GGT7: variants seen among roughly 807,000 people sequenced by gnomAD.
GGT7 encodes gamma-glutamyltransferase 7, also known as glutathione hydrolase 7.
In GGT7, 30 loss-of-function variants were observed where a neutral mutation model predicts 69.2. The ratio of observed to expected loss-of-function variants is 0.43; its 90% CI spans 0.32 to 0.59. The LOEUF is 0.59. Ranked by LOEUF, GGT7 falls within the 20% of genes least tolerant of loss-of-function variation. GGT7 has a pLI of 0.05. For synonymous variants in GGT7, 388 were observed against 391.8 expected (o/e 0.99, Z 0.12); for missense variants, 733 against 901.1 (o/e 0.81, Z 2.39).
intron 7 of GGT7, among the ~76,000 whole-genome samples, chr20:34,857,996 T>A (rs150067374): frequency 7.2e-5 from 11 of 152,308 alleles, no homozygotes; most frequent in Non-Finnish European, 1.6e-4. Flanking sequence ...GATCTGATGG[T>A]CTTTGTTACA....
At chr20:34,862,210 G>T (rs190394581) in intron 3 of GGT7, among the ~76,000 whole-genome samples, 1 of 152,290 alleles carries the variant, frequency 6.6e-6, no homozygotes, top group Non-Finnish European at 1.5e-5. Flanking sequence ...TCTATTCCAC[G>T]CCAGGTAACT....
intron 14 of GGT7, among the ~76,000 whole-genome samples, chr20:34,847,014 A>T (rs2079314450): frequency 6.6e-6 from 1 of 152,040 alleles, no homozygotes. Flanking sequence ...CTCCACCATT[A>T]CCTAAAACAG....
chr20:34,844,837 G>A lies in GGT7; in HGVS notation c.*491C>T, dbSNP rs1274621588. 6.8e-6 allele frequency: 1 copy of A among 146,154 alleles called. No homozygotes were observed. The highest frequency in any genetic ancestry group is 2.6e-5 in the African/African-American group (1 of 38,252). 9.1% of individuals were successfully genotyped at this position (146,154 alleles called of 1,614,324 possible). A position where few individuals can be genotyped will look rare whatever the true frequency, so the allele number is the denominator to read the frequency against. ...CGATGCAAGGCCCCCACCTCAACCTGGTGGGAAAAGAGGAGCACCCCCTCC... is the reference window on the plus strand; with the variant it reads ...CGATGCAAGGCCCCCACCTCAACCTAGTGGGAAAAGAGGAGCACCCCCTCC... On this transcript the variant is annotated 3_prime_UTR_variant, in exon 15 of 15. Transcript: ENST00000336431.
At chr20:34,862,705 G>C (rs949965864) in intron 3 of GGT7, 109 bp downstream of exon 3, 4 of 1,077,556 alleles carry the variant, frequency 3.7e-6, no homozygotes, top group African/African-American at 1.5e-5. Flanking sequence ...AATGCAAGGA[G>C]TTGGGGCCCA....
chr20:34,845,112 T>TCC lies in GGT7; in HGVS notation c.*215_*216insGG, dbSNP rs369783775. The TCC allele has an allele frequency of 2.6e-6, 1 of 388,898 alleles. No homozygotes were observed. Among genetic ancestry groups the TCC allele is most frequent in the Admixed American group, 4.4e-5 (1 of 22,874 alleles). 24.1% of individuals were successfully genotyped at this position (388,898 alleles called of 1,614,324 possible). ...CTGGCTGTACTGTAGATGCTGACAC[T>TCC]CACCACCACCACCACCACCACCACC... is the stretch of plus-strand genomic sequence containing the variant. On this transcript the variant is annotated 3_prime_UTR_variant, in exon 15 of 15. Coordinates refer to ENST00000336431, the MANE Select transcript of GGT7 (RefSeq NM_178026.3).
intron 3 of GGT7, among the ~76,000 whole-genome samples, chr20:34,862,381 G>A (rs1283311722): frequency 6.6e-6 from 1 of 152,126 alleles, no homozygotes; most frequent in Admixed American, 6.5e-5. Flanking sequence ...TGTGTGCTGG[G>A]TGTTGCCCAT....
chr20:34,863,476 T>C lies in GGT7; in HGVS notation c.242A>G (p.Asp81Gly). ...GCGCGTCTCGCGTAGCGGCGACCCGTCTTGGCTGCCCATCTCCGACGACGA... is the reference window on the plus strand; with the variant it reads ...GCGCGTCTCGCGTAGCGGCGACCCGCCTTGGCTGCCCATCTCCGACGACGA... ...PSSSSEMGSQ[D>G]GSPLRETRKD... The change falls in exon 2 of 15, where the codon GAC becomes GGC. Residue 81 changes from aspartate (D) to glycine (G), a missense_variant. Asp to Gly is a moderately conservative substitution (Grantham distance 94). Coordinates refer to ENST00000336431, the MANE Select transcript of GGT7 (RefSeq NM_178026.3). This position sits in a 1 kb window ranked among gnomAD's most constrained non-coding sequence, Gnocchi z 4.4. The C allele has an allele frequency of 1.2e-6, 2 of 1,609,360 alleles. No homozygotes were observed. Among genetic ancestry groups the C allele is most frequent in the Non-Finnish European group, 1.7e-6 (2 of 1,178,378 alleles).
Position 34,861,431 on chromosome 20 carries a change from A to T in GGT7, c.675+14T>A. On this transcript the variant is annotated intron_variant, in intron 4 of 14. Transcript: ENST00000336431. ...AGACTCCCCTGAACTCTCTCTTCTCACCAGGGTCCCCACCTTGGTCTCCCA... is the reference window on the plus strand; with the variant it reads ...AGACTCCCCTGAACTCTCTCTTCTCTCCAGGGTCCCCACCTTGGTCTCCCA... The T allele has an allele frequency of 7.2e-7, 1 of 1,395,502 alleles. No individual in the cohort carries two copies. 86.4% of individuals were successfully genotyped at this position (1,395,502 alleles called of 1,614,324 possible).
intron 1 of GGT7, among the ~76,000 whole-genome samples, chr20:34,870,793 GT>G (rs1348815258): frequency 1.3e-5 from 2 of 148,878 alleles, no homozygotes; most frequent in African/African-American, 5.0e-5. Context: ...TTTGTTTTTT[GT>G]TTTTTGTTTC....
Position 34,851,130 on chromosome 20 carries a change from G to A in GGT7, c.1725+101C>T, listed in dbSNP as rs193051974. 901 of 1,439,118 alleles carry A rather than the reference G, an allele frequency of 6.3e-4. 7 individuals carry two copies. The Middle Eastern group carries it at 0.011, about 18-fold the overall frequency. The allele number at this position is 1,439,118 out of a possible 1,614,324, so 89.1% of individuals were successfully genotyped here. A position where few individuals can be genotyped will look rare whatever the true frequency, so the allele number is the denominator to read the frequency against. ...AAAACAGCCTCAGCCCATGTTTGCC[G>A]CATGAGGAATGGAAACAAGCCACAG... is the stretch of plus-strand genomic sequence containing the variant. On this transcript the variant is annotated intron_variant, in intron 13 of 14. Transcript: ENST00000336431.
In GGT7 at chr20:34,859,884, C is replaced by T; in HGVS notation, c.817+85G>A. The T allele has an allele frequency of 3.9e-6, 4 of 1,019,660 alleles. 1 individual carries two copies. In the South Asian group the frequency reaches 5.5e-5, roughly 14 times the overall value. 63.2% of individuals were successfully genotyped at this position (1,019,660 alleles called of 1,614,324 possible). On this transcript the variant is annotated intron_variant, in intron 6 of 14. Coordinates refer to ENST00000336431, the MANE Select transcript of GGT7 (RefSeq NM_178026.3). ...TGAGGAGCAAACTGGAAGAGAGGGC[C>T]TCTCTGGCTTGGGCTCCAAATCTCA...
chr20:34,845,539 A>C (rs373341888), intron 14 of GGT7, 48 bp from the exon 15 acceptor site: 2 of 1,523,840 alleles, frequency 1.3e-6, no homozygotes, highest in Non-Finnish European at 1.8e-6. Context: ...ACAGAGCACT[A>C]GTTCAAGAGT....
rs1365356546 is a variant in GGT7, at chr20:34,862,866, C to A, written c.505G>T (p.Ala169Ser). The A allele has an allele frequency of 6.2e-7, 1 of 1,614,144 alleles. No individual in the cohort carries two copies. Among genetic ancestry groups the A allele is most frequent in the Non-Finnish European group, 8.5e-7 (1 of 1,180,024 alleles). Residue 169 changes from alanine to serine, a missense_variant, in exon 3 of 15, where the codon GCA becomes TCA. Physicochemically the swap from Ala to Ser is moderately conservative, Grantham distance 99. Coordinates refer to ENST00000336431, the MANE Select transcript of GGT7 (RefSeq NM_178026.3). ...ACGATACCCAAACACAAGGCTGCTG[C>A]CACCGCTGCGTCCACAGAAGATCCC... is the stretch of plus-strand genomic sequence containing the variant. The part of the protein sequence containing the change: ...KQGSSVDAAV[A>S]AALCLGIVAP...
chr20:34,869,478 C>T (rs1372380668), intron 1 of GGT7, among the ~76,000 whole-genome samples: 4 of 152,094 alleles, frequency 2.6e-5, no homozygotes, highest in African/African-American at 9.7e-5. Context: ...GGCAGAATCA[C>T]CAAAGATGTC....
intron 14 of GGT7, among the ~76,000 whole-genome samples, chr20:34,846,087 T>TGGAA (rs1007178995): frequency 1.6e-5 from 2 of 126,234 alleles, no homozygotes; most frequent in African/African-American, 5.9e-5. Context: ...AGAAAGAAAA[T>TGGAA]GGAAGGAAGG....
intron 11 of GGT7, 55 bp from the exon 12 acceptor site, chr20:34,852,327 C>T: frequency 6.2e-7 from 1 of 1,603,894 alleles, no homozygotes; most frequent in Non-Finnish European, 8.5e-7. Flanking sequence ...CTCTACCCAG[C>T]CCCCACCCCC....
At chr20:34,857,610 C>T (rs1176083393) in intron 7 of GGT7, among the ~76,000 whole-genome samples, 1 of 144,248 alleles carries the variant, frequency 6.9e-6, no homozygotes, top group Non-Finnish European at 1.5e-5. Flanking sequence ...GAGAATTACA[C>T]ATTGATTTTT....
rs745872101 is a variant in GGT7 at position 34,859,656 on chromosome 20, G to A, written c.818-17C>T. On this transcript the variant is annotated splice_polypyrimidine_tract_variant and intron_variant, in intron 6 of 14. Transcript: ENST00000336431. ...GGGCACGGGCTAGGGGCAGGGACGGGAGGCTGGGCAGGGCGGGACGCCAGG... is the reference window on the plus strand; with the variant it reads ...GGGCACGGGCTAGGGGCAGGGACGGAAGGCTGGGCAGGGCGGGACGCCAGG... The A allele has an allele frequency of 2.5e-6, 4 of 1,571,170 alleles. No homozygotes were observed. In the Admixed American group the frequency reaches 5.4e-5, roughly 21 times the overall value.
At chr20:34,869,952 G>A (rs1248709404) in intron 1 of GGT7, among the ~76,000 whole-genome samples, 1 of 152,192 alleles carries the variant, frequency 6.6e-6, no homozygotes, top group African/African-American at 2.4e-5. Flanking sequence ...AATGATCACT[G>A]TCTAGCTCTC....
Sources: allele counts gnomAD v4.1 joint callset (sites outside exome capture counted in the v4.1 genomes callset), GRCh38; gene constraint gnomAD v4.1.1; non-coding constraint Gnocchi (gnomAD v3.1); transcripts MANE v1.5; gene names NCBI Gene and HGNC (gene_info 2026-07-23, HGNC 2026-07-21).